Variants in LAS1L observed in about 807,000 individuals in gnomAD.
The protein encoded by LAS1L is LAS1 like ribosome biogenesis factor, also known as ribosomal biogenesis protein LAS1L.
Under a neutral mutation model 57.3 loss-of-function variants are expected in LAS1L, and 5 were observed. The ratio of observed to expected loss-of-function variants is 0.09; its 90% CI spans 0.05 to 0.18. The LOEUF is 0.18. LAS1L is among the 10% of genes least tolerant of loss of function. The pLI, the probability that LAS1L is intolerant of heterozygous loss-of-function variation, is 1.00. For synonymous variants in LAS1L, 245 were observed against 231.7 expected, an observed-to-expected ratio of 1.06 and a Z score of -0.52; for missense variants, 360 against 568.3, an observed-to-expected ratio of 0.63 and a Z score of 3.73.
chrX:65,520,917 C>G (rs2068823785), intron 11 of LAS1L: 5 of 754,385 alleles, frequency 6.6e-6, no homozygotes, highest in Non-Finnish European at 7.8e-6. Context: ...CATGTTCCTT[C>G]TGGACTTTGA....
At chrX:65,530,465 G>A (rs1020421525) in intron 4 of LAS1L, among the ~76,000 whole-genome samples, 6 of 110,761 alleles carry the variant, frequency 5.4e-5, no homozygotes, top group Non-Finnish European at 1.1e-4. Context: ...GGTCACTTGA[G>A]GTCAGGAGTT....
chrX:65,525,324 G>A (rs2148293098), intron 7 of LAS1L, among the ~76,000 whole-genome samples: 1 of 112,027 alleles, frequency 8.9e-6, no homozygotes, highest in Middle Eastern at 4.6e-3. Flanking sequence ...GGCCCATAAC[G>A]AGAGCAGTAG....
chrX:65,520,712 C>T (rs771103051), intron 11 of LAS1L: 106 of 751,944 alleles, frequency 1.4e-4, no homozygotes, highest in South Asian at 9.6e-4. Flanking sequence ...CCAAGTGAGC[C>T]GCTGTTACTG....
chrX:65,512,601 T>G lies in LAS1L; in HGVS notation c.*174A>C. ...CAAAACTACAGTTGCCTGTTTATTATTTTTCAAAACAAAACAAAAACAAAA... is the reference window on the plus strand; with the variant it reads ...CAAAACTACAGTTGCCTGTTTATTAGTTTTCAAAACAAAACAAAAACAAAA... On this transcript the variant is annotated 3_prime_UTR_variant, in exon 14 of 14. Coordinates refer to ENST00000374811, the MANE Select transcript of LAS1L (RefSeq NM_031206.7). The G allele has an allele frequency of 1.8e-6, 1 of 564,557 alleles. No homozygotes were observed. Among genetic ancestry groups the G allele is most frequent in the Non-Finnish European group, 2.7e-6 (1 of 369,234 alleles). The allele number at this position is 564,557 out of a possible 1,213,427, so 46.5% of individuals were successfully genotyped here.
intron 1 of LAS1L, 105 bp from the exon 2 acceptor site, chrX:65,533,840 A>T: frequency 1.1e-6 from 1 of 876,516 alleles, no homozygotes; most frequent in Admixed American, 2.9e-5. Flanking sequence ...ATTCTGGTTC[A>T]AGAGAGCATG....
At position 65,524,099 on chromosome X, in the gene LAS1L, G is replaced by T; in HGVS notation, c.1257C>A (p.Ile419=). ...CGATCAGTTCAACGGTCCATCTGAG[G>T]ATGTAGGTAGGCCGGATCCCGCTGA... The part of the protein sequence containing the change: ...LGISGIRPTY[I]LRWTVELIVA... The change falls in exon 10 of 14, where the codon ATC becomes ATA. Residue 419 remains isoleucine (I), a synonymous_variant. Coordinates refer to ENST00000374811, the MANE Select transcript of LAS1L (RefSeq NM_031206.7). 1 of 1,211,332 alleles carries T rather than the reference G, an allele frequency of 8.3e-7. No individual in the cohort carries two copies. Among genetic ancestry groups the T allele is most frequent in the Non-Finnish European group, 1.1e-6 (1 of 895,252 alleles).
At chrX:65,527,450 T>C (rs1388381358) in intron 7 of LAS1L, among the ~76,000 whole-genome samples, 4 of 110,280 alleles carry the variant, frequency 3.6e-5, no homozygotes, top group Admixed American at 9.8e-5. Context: ...GGTGGGAGGA[T>C]TTCTTGAGTG....
intron 2 of LAS1L, 56 bp from the exon 3 acceptor site, chrX:65,532,686 A>C: frequency 1.1e-6 from 1 of 869,849 alleles, no homozygotes. Context: ...TATTCCAAAC[A>C]CTTTGCTGAG....
chrX:65,529,475 T>G lies in LAS1L; in HGVS notation c.799+119A>C, dbSNP rs763441412. Reference sequence around the variant, plus strand: ...GAGGATGGTTTGTGACAGTAATTTTTTAAGCTAAGATTCACCACAGCCCCA... The same window carrying G: ...GAGGATGGTTTGTGACAGTAATTTTGTAAGCTAAGATTCACCACAGCCCCA... On this transcript the variant is annotated intron_variant, in intron 5 of 13. Coordinates refer to ENST00000374811, the MANE Select transcript of LAS1L (RefSeq NM_031206.7). 18 of 870,344 alleles carry G rather than the reference T, an allele frequency of 2.1e-5. No homozygotes were observed. In the Admixed American group the frequency reaches 4.9e-4, roughly 24 times the overall value. 71.7% of individuals were successfully genotyped at this position (870,344 alleles called of 1,213,427 possible).
intron 3 of LAS1L, among the ~76,000 whole-genome samples, chrX:65,532,170 G>C (rs1412629800): frequency 2.7e-5 from 3 of 112,095 alleles, no homozygotes; most frequent in Non-Finnish European, 5.6e-5. Context: ...CCTCAGGGTA[G>C]GAATGTCTGA....
chrX:65,528,111 A>G (rs1401491259), intron 7 of LAS1L, 149 bp downstream of exon 7: 2 of 428,718 alleles, frequency 4.7e-6, no homozygotes, highest in Non-Finnish European at 8.1e-6. Context: ...CAGTTCTGCC[A>G]AATGTAGGGT....
chrX:65,513,004 C>G, intron 13 of LAS1L, 103 bp from the exon 14 acceptor site: 1 of 845,208 alleles, frequency 1.2e-6, no homozygotes, highest in Non-Finnish European at 1.6e-6. Flanking sequence ...GGCCCACTCT[C>G]CTGCCTGGCT....
intron 7 of LAS1L, among the ~76,000 whole-genome samples, chrX:65,526,085 A>G (rs1456938613): frequency 9.0e-6 from 1 of 111,506 alleles, no homozygotes; most frequent in Non-Finnish European, 1.9e-5. Flanking sequence ...CCACCTTGCC[A>G]TTTGATATCT....
intron 10 of LAS1L, 53 bp from the exon 11 acceptor site, chrX:65,523,760 A>G: frequency 9.1e-7 from 1 of 1,104,287 alleles, no homozygotes; most frequent in South Asian, 2.2e-5. Flanking sequence ...CCCCCACCCA[A>G]CATTTCACCT....
chrX:65,523,432 T>C, intron 11 of LAS1L, 128 bp downstream of exon 11: 1 of 656,036 alleles, frequency 1.5e-6, no homozygotes, highest in Non-Finnish European at 2.2e-6. Flanking sequence ...TTGTCCCATC[T>C]GTCAGTGGGA....
In LAS1L at chrX:65,518,981, G is replaced by A. The variant is rs931829461; in HGVS notation, c.1449-516C>T. 6.7e-6 allele frequency: 5 copies of A among 750,058 alleles called. No homozygotes were observed. The African/African-American group carries it at 9.3e-5, about 14-fold the overall frequency. The allele number at this position is 750,058 out of a possible 1,213,427, so 61.8% of individuals were successfully genotyped here. The stretch of plus-strand genomic sequence containing the variant: ...AAACTGTGATCCCTTTATGGGAGCA[G>A]CTACAGCCCAGCCTGGAATGGAGGA... On this transcript the variant is annotated intron_variant, in intron 11 of 13. Coordinates refer to ENST00000374811, the MANE Select transcript of LAS1L (RefSeq NM_031206.7).
Position 65,534,687 on chromosome X carries a change from C to G in LAS1L, c.29G>C (p.Gly10Ala), listed in dbSNP as rs1272477882. MSWESGAGP[G>A]LGSQGMDLVW... The stretch of plus-strand genomic sequence containing the variant: ...GAGATCCATCCCCTGGGAACCTAGA[C>G]CTGGCCCGGCCCCGGATTCCCACGA... Residue 10 changes from glycine to alanine, a missense_variant, in exon 1 of 14, where the codon GGT becomes GCT. By Grantham distance (60) the Gly-to-Ala change is moderately conservative. Coordinates refer to ENST00000374811, the MANE Select transcript of LAS1L (RefSeq NM_031206.7). 2 of 1,175,492 alleles carry G rather than the reference C, an allele frequency of 1.7e-6. No homozygotes were observed. Among genetic ancestry groups the G allele is most frequent in the African/African-American group, 3.6e-5 (2 of 55,697 alleles).
chrX:65,533,488 C>G, intron 2 of LAS1L, 122 bp downstream of exon 2: 1 of 597,824 alleles, frequency 1.7e-6, no homozygotes, highest in South Asian at 2.9e-5. Context: ...GGCTGATCCA[C>G]AGTGAGGTAC....
rs1055053333 is a variant in LAS1L, at chrX:65,534,377, G to A, written c.236+103C>T. ...ATTTGGGAGAGGGACAACTTTAGGC[G>A]ACTTAGGGGAAGACTGGAGAACAGG... On this transcript the variant is annotated intron_variant, in intron 1 of 13. Transcript: ENST00000374811. The A allele has an allele frequency of 1.9e-5, 12 of 617,556 alleles. No individual in the cohort carries two copies. The African/African-American group carries it at 2.7e-4, about 14-fold the overall frequency. 50.9% of individuals were successfully genotyped at this position (617,556 alleles called of 1,213,427 possible).
Sources: gnomAD v4.1 joint callset for allele counts (sites outside exome capture counted in the v4.1 genomes callset) on GRCh38, gnomAD v4.1.1 for gene constraint, MANE v1.5 for transcripts, NCBI Gene and HGNC (gene_info 2026-07-23, HGNC 2026-07-21) for gene names.